CSMD1: variants seen among roughly 807,000 people sequenced by gnomAD.
CSMD1 encodes CUB and Sushi multiple domains 1, also known as CUB and sushi domain-containing protein 1.
In CSMD1, 213 loss-of-function variants were observed where a neutral mutation model predicts 417.5. The ratio of observed to expected loss-of-function variants is 0.51; its 90% CI spans 0.46 to 0.57. The LOEUF (loss-of-function observed/expected upper bound fraction) is 0.57, where lower values mean the gene tolerates loss of function less well. Ranked by LOEUF, CSMD1 falls within the 20% of genes least tolerant of loss-of-function variation. The pLI is 0.00. For missense variants in CSMD1, 6,923 were observed against 4,529.7 expected (o/e 1.53, Z -15.17); for synonymous variants, 2,862 against 1,736.8 (o/e 1.65, Z -16.11).
At chr8:4,206,697 C>A (rs561581300) in intron 3 of CSMD1, among the ~76,000 whole-genome samples, 3 of 152,216 alleles carry the variant, frequency 2.0e-5, no homozygotes, top group Admixed American at 1.3e-4. Flanking sequence ...TGGGTATATA[C>A]CCTGTAATGG....
At chr8:3,743,175 G>A (rs1484084120) in intron 6 of CSMD1, among the ~76,000 whole-genome samples, 2 of 152,050 alleles carry the variant, frequency 1.3e-5, no homozygotes, top group Non-Finnish European at 2.9e-5. Context: ...TCTCTCTACT[G>A]TGCTACACGA....
At chr8:4,430,833 A>C (rs1057146736) in intron 2 of CSMD1, among the ~76,000 whole-genome samples, 15 of 152,172 alleles carry the variant, frequency 9.9e-5, no homozygotes, top group African/African-American at 3.4e-4. Flanking sequence ...CACTGCAAAT[A>C]CTTCACTCCA....
chr8:3,199,106 T>C (rs552151705), intron 33 of CSMD1, among the ~76,000 whole-genome samples: 5 of 152,310 alleles, frequency 3.3e-5, no homozygotes, highest in Admixed American at 6.5e-5. Flanking sequence ...TAGGAGAAAA[T>C]TCTTTACTTT....
At chr8:3,023,061 C>T (rs1809572755) in intron 51 of CSMD1, among the ~76,000 whole-genome samples, 3 of 152,194 alleles carry the variant, frequency 2.0e-5, no homozygotes. Flanking sequence ...GAGTGATGTC[C>T]AATGTCCACT....
At chr8:4,669,427 T>G (rs1023567766) in intron 1 of CSMD1, among the ~76,000 whole-genome samples, 2 of 152,214 alleles carry the variant, frequency 1.3e-5, no homozygotes, top group Non-Finnish European at 2.9e-5. Context: ...AGTTGTAGTT[T>G]TGTTTTTCTA....
chr8:3,145,187 G>A (rs1307634201), intron 40 of CSMD1, among the ~76,000 whole-genome samples: 9 of 152,078 alleles, frequency 5.9e-5, no homozygotes, highest in Non-Finnish European at 1.3e-4. Flanking sequence ...GAATCAAGAA[G>A]CTGACCCGAG....
chr8:3,198,958 C>A (rs1796844818), intron 33 of CSMD1, among the ~76,000 whole-genome samples: 1 of 152,134 alleles, frequency 6.6e-6, no homozygotes, highest in Admixed American at 6.6e-5. Flanking sequence ...CAGTTTATCT[C>A]TGAACAAGAT....
Position 3,157,743 on chromosome 8 carries a change from A to G in CSMD1, c.5914+154T>C, listed in dbSNP as rs150028031. On this transcript the variant is annotated intron_variant, in intron 39 of 69. Transcript: ENST00000635120. Reference sequence around the variant, plus strand: ...AGTGGGGAAGGTGCAGGTTAAACGCATCATTCTGCTCTACTGCATTATGTG... The same window carrying G: ...AGTGGGGAAGGTGCAGGTTAAACGCGTCATTCTGCTCTACTGCATTATGTG... Among the ~76,000 whole-genome samples, 89 of 152,344 alleles carry G rather than the reference A, an allele frequency of 5.8e-4. 1 individual carries two copies. Among genetic ancestry groups the G allele is most frequent in the African/African-American group, 1.9e-3 (81 of 41,578 alleles).
intron 5 of CSMD1, among the ~76,000 whole-genome samples, chr8:3,842,088 T>A (rs564746529): frequency 6.6e-6 from 1 of 152,228 alleles, no homozygotes; most frequent in Non-Finnish European, 1.5e-5. Context: ...TAAATGTAAC[T>A]GGAAAACACA....
intron 1 of CSMD1, among the ~76,000 whole-genome samples, chr8:4,782,588 C>T (rs901915322): frequency 6.6e-6 from 1 of 152,124 alleles, no homozygotes. Context: ...CTACATTTCA[C>T]ATTCTTTGTA....
chr8:3,395,435 A>G (rs1404798799), intron 17 of CSMD1, among the ~76,000 whole-genome samples: 2 of 152,192 alleles, frequency 1.3e-5, no homozygotes, highest in Non-Finnish European at 2.9e-5. Flanking sequence ...GGTGATTCCC[A>G]TCAGCTAGAT....
intron 49 of CSMD1, among the ~76,000 whole-genome samples, chr8:3,075,885 CAA>C (rs754691568): frequency 1.6e-4 from 17 of 106,926 alleles, no homozygotes; most frequent in South Asian, 3.1e-4. Flanking sequence ...ACTAAAAATA[CAA>C]AAAAAAAAAA....
chr8:3,022,372 T>C (rs915953513), intron 51 of CSMD1, among the ~76,000 whole-genome samples: 7 of 152,154 alleles, frequency 4.6e-5, no homozygotes, highest in Non-Finnish European at 1.0e-4. Context: ...GCATCCGGAA[T>C]GCACCCGCAA....
At chr8:3,997,811 C>T (rs926086017) in intron 5 of CSMD1, 92 bp downstream of exon 5, 63 of 1,163,784 alleles carry the variant, frequency 5.4e-5, no homozygotes, top group Non-Finnish European at 6.8e-5. Context: ...TGCCCATGAA[C>T]GTCCAGAGAC....
chr8:4,603,686 G>A (rs1389231364), intron 2 of CSMD1, among the ~76,000 whole-genome samples: 2 of 152,078 alleles, frequency 1.3e-5, no homozygotes, highest in Admixed American at 6.6e-5. Context: ...ATTAAAAACA[G>A]TGATTTTCTT....
chr8:3,503,893 TG>T (rs1248759537), intron 10 of CSMD1, among the ~76,000 whole-genome samples: 8 of 148,100 alleles, frequency 5.4e-5, no homozygotes, highest in Non-Finnish European at 9.0e-5. Context: ...ACTCTCGACT[TG>T]GATGAGATCA....
In CSMD1 at chr8:4,270,956, T is replaced by A. The variant is rs1381820775; in HGVS notation, c.415+148997A>T. 2.0e-5 allele frequency among the ~76,000 whole-genome samples: 3 copies of A among 152,162 alleles called. No individual in the cohort carries two copies. In the East Asian group the frequency reaches 5.8e-4, roughly 29 times the overall value. On this transcript the variant is annotated intron_variant, in intron 3 of 69. Transcript: ENST00000635120. ...ACCCCTAGAGAGAGAGGGAGCACTT[T>A]AAACTGTCACCGCGTTCACTCTTTA...
At chr8:3,025,359 G>T (rs1040166808) in intron 51 of CSMD1, among the ~76,000 whole-genome samples, 8 of 150,584 alleles carry the variant, frequency 5.3e-5, no homozygotes, top group Non-Finnish European at 1.2e-4. Context: ...ACCGTGTATT[G>T]TGTGGTGTTA....
chr8:4,390,394 A>G (rs542789464), intron 3 of CSMD1, among the ~76,000 whole-genome samples: 66 of 152,320 alleles, frequency 4.3e-4, no homozygotes, highest in South Asian at 1.2e-3. Flanking sequence ...TTGTCAATGT[A>G]ACAGGAGAAA....
Sources: gnomAD v4.1 joint callset for allele counts (sites outside exome capture counted in the v4.1 genomes callset) on GRCh38, gnomAD v4.1.1 for gene constraint, MANE v1.5 for transcripts, NCBI Gene and HGNC (gene_info 2026-07-23, HGNC 2026-07-21) for gene names.